Variants in REPS1 observed in about 807,000 individuals in gnomAD.
REPS1 encodes the protein ralBP1-associated Eps domain-containing protein 1.
Under a neutral mutation model 100.9 loss-of-function variants are expected in REPS1, and 39 were observed. That is an observed-to-expected ratio of 0.39 (90% confidence interval 0.30 to 0.50). The LOEUF (loss-of-function observed/expected upper bound fraction) is 0.50. REPS1 is among the 20% of genes least tolerant of loss of function. The pLI is 0.86. For synonymous variants in REPS1, 324 were observed against 340.3 expected, an observed-to-expected ratio of 0.95 and a Z score of 0.53; for missense variants, 821 against 968.5, an observed-to-expected ratio of 0.85 and a Z score of 2.02.
At chr6:138,943,314 T>C (rs1411417111) in intron 7 of REPS1, among the ~76,000 whole-genome samples, 199 bp downstream of exon 7, 1 of 152,248 alleles carries the variant, frequency 6.6e-6, no homozygotes, top group African/African-American at 2.4e-5. Flanking sequence ...TTTAGCTCTT[T>C]ACAAAGAACT....
At position 138,987,922 on chromosome 6, in the gene REPS1, G is replaced by A. The variant is rs1367767673; in HGVS notation, c.-240C>T. ...AGGCCCGGCGCGCGGCTGCGGCTGC[G>A]GCTGCGACTACGGCTCCGGCTCCGG... On this transcript the variant is annotated 5_prime_UTR_variant, in exon 1 of 20. Coordinates refer to ENST00000450536, the MANE Select transcript of REPS1 (RefSeq NM_001286611.2). The A allele has an allele frequency of 2.6e-6, 1 of 377,716 alleles. No individual in the cohort carries two copies. The highest frequency in any genetic ancestry group is 4.6e-6 in the Non-Finnish European group (1 of 217,096). The allele number at this position is 377,716 out of a possible 1,614,324, so 23.4% of individuals were successfully genotyped here. A position where few individuals can be genotyped will look rare whatever the true frequency, so the allele number is the denominator to read the frequency against.
chr6:138,914,617 A>G, intron 15 of REPS1, 80 bp downstream of exon 15: 10 of 1,160,646 alleles, frequency 8.6e-6, no homozygotes, highest in Non-Finnish European at 1.3e-5. Context: ...TGACCTTCCA[A>G]ATAATTTGAG....
At chr6:138,960,062 G>A (rs1353411558) in intron 1 of REPS1, among the ~76,000 whole-genome samples, 1 of 152,146 alleles carries the variant, frequency 6.6e-6, no homozygotes, top group Non-Finnish European at 1.5e-5. Context: ...CCAGTTAAAG[G>A]TTCTGTAGTC....
intron 12 of REPS1, among the ~76,000 whole-genome samples, chr6:138,917,994 ATAAAG>A (rs1780513797): frequency 6.6e-6 from 1 of 152,204 alleles, no homozygotes; most frequent in African/African-American, 2.4e-5. Flanking sequence ...ATATTAGAAA[ATAAAG>A]TAACATTACA....
At chr6:138,940,029 A>C (rs1782122812) in intron 8 of REPS1, among the ~76,000 whole-genome samples, 2 of 152,256 alleles carry the variant, frequency 1.3e-5, no homozygotes, top group African/African-American at 2.4e-5. Flanking sequence ...GAGAAACAGA[A>C]GGGAAAAATA....
chr6:138,914,129 G>A (rs1018403943), intron 15 of REPS1, among the ~76,000 whole-genome samples: 7 of 152,120 alleles, frequency 4.6e-5, no homozygotes, highest in African/African-American at 1.7e-4. Flanking sequence ...GAGTGCAGTG[G>A]TGCAATTACA....
At chr6:138,985,498 G>A (rs1322850154) in intron 1 of REPS1, among the ~76,000 whole-genome samples, 1 of 152,168 alleles carries the variant, frequency 6.6e-6, no homozygotes, top group Non-Finnish European at 1.5e-5. Context: ...TGTGTTTTCA[G>A]ACAATCCCAA....
At chr6:138,943,391 C>G in intron 7 of REPS1, 122 bp downstream of exon 7, 1 of 570,298 alleles carries the variant, frequency 1.8e-6, no homozygotes, top group Non-Finnish European at 3.1e-6. Flanking sequence ...TAAGGCAATA[C>G]TGAGTTCTTT....
intron 8 of REPS1, among the ~76,000 whole-genome samples, chr6:138,935,131 CT>C (rs1171305177): frequency 6.6e-6 from 1 of 152,074 alleles, no homozygotes; most frequent in Non-Finnish European, 1.5e-5. Flanking sequence ...GTAAGCAGAC[CT>C]TATGAGGGTC....
chr6:138,917,215 T>C (rs1406673470), intron 13 of REPS1, among the ~76,000 whole-genome samples: 1 of 152,202 alleles, frequency 6.6e-6, no homozygotes, highest in Non-Finnish European at 1.5e-5. Flanking sequence ...GGATGGTGTT[T>C]TAAAACACAG....
chr6:138,974,336 T>TACA (rs761796236), intron 1 of REPS1, among the ~76,000 whole-genome samples: 1 of 152,122 alleles, frequency 6.6e-6, no homozygotes, highest in Non-Finnish European at 1.5e-5. Flanking sequence ...GCACGCTTAT[T>TACA]ACAAGGATTA....
At chr6:138,946,791 T>A (rs1782640097) in intron 2 of REPS1, among the ~76,000 whole-genome samples, 2 of 152,230 alleles carry the variant, frequency 1.3e-5, no homozygotes, top group South Asian at 2.1e-4. Flanking sequence ...TTTAAGTGCC[T>A]TTCTTTATAG....
At chr6:138,967,720 G>A (rs146717904) in intron 1 of REPS1, among the ~76,000 whole-genome samples, 1,786 of 152,110 alleles carry the variant, frequency 0.012, 27 homozygotes, top group Non-Finnish European at 0.015. Flanking sequence ...CCCAACACAT[G>A]ATAAGAACAA....
intron 10 of REPS1, among the ~76,000 whole-genome samples, chr6:138,922,483 G>A (rs970334426): frequency 1.3e-5 from 2 of 152,096 alleles, no homozygotes; most frequent in African/African-American, 4.8e-5. Flanking sequence ...AAAGACTTCT[G>A]ACTAGAATGA....
At chr6:138,916,218 CTTTTTTT>C (rs10582137) in intron 13 of REPS1, 86 of 207,356 alleles carry the variant, frequency 4.1e-4, no homozygotes, top group South Asian at 1.2e-3. Flanking sequence ...TTCTTTTTTT[CTTTTTTT>C]TTTTTTTTTT....
intron 7 of REPS1, 62 bp from the exon 8 acceptor site, chr6:138,941,551 AAAG>A: frequency 1.4e-6 from 2 of 1,469,440 alleles, no homozygotes; most frequent in Middle Eastern, 1.7e-4. Context: ...TATTTCTCAA[AAAG>A]AAGCAAGAGA....
intron 12 of REPS1, among the ~76,000 whole-genome samples, chr6:138,918,338 T>C (rs1283706934): frequency 6.6e-6 from 1 of 152,222 alleles, no homozygotes; most frequent in Admixed American, 6.5e-5. Flanking sequence ...ATAGGTTACA[T>C]GCAAATACTA....
At chr6:138,931,524 T>C (rs531584316) in intron 8 of REPS1, among the ~76,000 whole-genome samples, 1 of 152,324 alleles carries the variant, frequency 6.6e-6, no homozygotes, top group African/African-American at 2.4e-5. Flanking sequence ...TTATACCACA[T>C]TGCAAGTTCT....
chr6:138,908,253 T>TA (rs1307476404), intron 18 of REPS1, among the ~76,000 whole-genome samples: 1 of 152,180 alleles, frequency 6.6e-6, no homozygotes, highest in Non-Finnish European at 1.5e-5. Context: ...TCTGCTCAAT[T>TA]AAAGAACTAG....
Sources: allele counts gnomAD v4.1 joint callset (sites outside exome capture counted in the v4.1 genomes callset), GRCh38; gene constraint gnomAD v4.1.1; transcripts MANE v1.5; gene names NCBI Gene and HGNC (gene_info 2026-07-23, HGNC 2026-07-21).